Variants in TMEM163 observed in about 807,000 individuals in gnomAD.
TMEM163 encodes transmembrane protein 163.
TMEM163 carries 17 observed loss-of-function variants against 29.3 expected under a neutral mutation model. That is an observed-to-expected ratio of 0.58 (90% CI 0.40 to 0.87). The LOEUF is 0.87. TMEM163 is among the 40% of genes least tolerant of loss of function. The pLI is 0.00. For synonymous variants in TMEM163, 157 were observed against 160.6 expected (o/e 0.98, Z 0.17); for missense variants, 303 against 381.5 (o/e 0.79, Z 1.71).
intron 2 of TMEM163, among the ~76,000 whole-genome samples, chr2:134,692,036 T>A (rs1684480294): frequency 6.6e-6 from 1 of 152,142 alleles, no homozygotes; most frequent in Non-Finnish European, 1.5e-5. Context: ...CCATCACAAG[T>A]GTCCTCATAA....
intron 2 of TMEM163, among the ~76,000 whole-genome samples, chr2:134,595,675 C>T (rs1378889468): frequency 6.6e-6 from 1 of 152,182 alleles, no homozygotes; most frequent in Non-Finnish European, 1.5e-5. Flanking sequence ...GTTCTAGATC[C>T]TTGAGGAATC....
chr2:134,680,281 T>A (rs1485968224), intron 2 of TMEM163, among the ~76,000 whole-genome samples: 1 of 152,062 alleles, frequency 6.6e-6, no homozygotes, highest in East Asian at 1.9e-4. Context: ...TAAATAAATA[T>A]TTACCCTCAA....
chr2:134,705,523 G>A (rs1684790614), intron 2 of TMEM163, among the ~76,000 whole-genome samples: 1 of 151,824 alleles, frequency 6.6e-6, no homozygotes, highest in Non-Finnish European at 1.5e-5. Context: ...AGGAGGCATG[G>A]CCGTCAGGCA....
chr2:134,539,989 ACAGGCAGCAG>A (rs1680629399), intron 4 of TMEM163, among the ~76,000 whole-genome samples: 1 of 152,188 alleles, frequency 6.6e-6, no homozygotes, highest in South Asian at 2.1e-4. Context: ...ACCTCCATGC[ACAGGCAGCAG>A]CTGACCGAGG....
chr2:134,668,374 G>A (rs184586845), intron 2 of TMEM163, among the ~76,000 whole-genome samples: 6 of 152,254 alleles, frequency 3.9e-5, no homozygotes, highest in South Asian at 4.2e-4. Context: ...GGTCAACAGA[G>A]TCCCATCTCT....
chr2:134,469,729 G>C (rs528144866), intron 5 of TMEM163: 1 of 152,520 alleles, frequency 6.6e-6, no homozygotes, highest in Admixed American at 6.5e-5. Flanking sequence ...CTCCAGCTTC[G>C]CTGAGTCATA....
chr2:134,511,153 C>CGG (rs10639023), intron 4 of TMEM163, among the ~76,000 whole-genome samples: 17,910 of 121,828 alleles, frequency 0.15, 2,094 homozygotes, highest in East Asian at 0.36. Context: ...GAGAACAAGG[C>CGG]GGGGGGGGGT....
intron 4 of TMEM163, among the ~76,000 whole-genome samples, chr2:134,522,031 C>A (rs1680201240): frequency 6.6e-6 from 1 of 152,198 alleles, no homozygotes; most frequent in African/African-American, 2.4e-5. Flanking sequence ...CATCCTGTTT[C>A]TCATCTCCTT....
rs113288826 is a variant in TMEM163, at chr2:134,543,315, G to T, written c.458+7255C>A. Among the ~76,000 whole-genome samples, 506 of 152,270 alleles carry T rather than the reference G, an allele frequency of 3.3e-3. 3 individuals are homozygous for T. The highest frequency in any genetic ancestry group is 0.025 in the South Asian group (122 of 4,830). Reference sequence around the variant, plus strand: ...AGAGGAGCTCCCATCCTGCTGAAATGGCTCCACCTTCTGCCTTAACTCTCA... The same window carrying T: ...AGAGGAGCTCCCATCCTGCTGAAATTGCTCCACCTTCTGCCTTAACTCTCA... On this transcript the variant is annotated intron_variant, in intron 4 of 7. Coordinates refer to ENST00000281924, the MANE Select transcript of TMEM163 (RefSeq NM_030923.5).
rs116086815 is a variant in TMEM163, at chr2:134,479,414, A to G, written c.556-13189T>C. The stretch of plus-strand genomic sequence containing the variant: ...CCAAAGTGTGAAAAACAACACCTTT[A>G]CCCTATTGAACAAAATGTTTATACA... On this transcript the variant is annotated intron_variant, in intron 5 of 7. Transcript: ENST00000281924. 7.6e-3 allele frequency among the ~76,000 whole-genome samples: 1,151 copies of G among 152,274 alleles called. 5 individuals are homozygous for G. Among genetic ancestry groups the G allele is most frequent in the South Asian group, 0.024 (114 of 4,824 alleles).
chr2:134,662,850 G>A (rs1236403021), intron 2 of TMEM163, among the ~76,000 whole-genome samples: 1 of 152,152 alleles, frequency 6.6e-6, no homozygotes, highest in Non-Finnish European at 1.5e-5. Context: ...TGGCAGACTT[G>A]AGGCTGCCTG....
intron 2 of TMEM163, among the ~76,000 whole-genome samples, chr2:134,553,948 T>C (rs1365500472): frequency 6.6e-6 from 1 of 152,236 alleles, no homozygotes; most frequent in Non-Finnish European, 1.5e-5. Flanking sequence ...ACGTGCTCCA[T>C]AACTGTTAAC....
At chr2:134,507,425 AC>A (rs1466791012) in intron 4 of TMEM163, among the ~76,000 whole-genome samples, 1 of 152,164 alleles carries the variant, frequency 6.6e-6, no homozygotes, top group Non-Finnish European at 1.5e-5. Context: ...AATCAGCAGC[AC>A]CCGCGTCACA....
intron 4 of TMEM163, among the ~76,000 whole-genome samples, chr2:134,508,967 A>C (rs1218539601): frequency 6.6e-6 from 1 of 152,152 alleles, no homozygotes; most frequent in Non-Finnish European, 1.5e-5. Flanking sequence ...CTCCTTCCTC[A>C]ACAAATGACC....
intron 2 of TMEM163, among the ~76,000 whole-genome samples, chr2:134,630,059 C>T (rs996070484): frequency 2.0e-5 from 3 of 152,164 alleles, no homozygotes; most frequent in African/African-American, 7.2e-5. Context: ...GCAACATGCT[C>T]ACCACGTGCC....
chr2:134,575,134 C>T (rs376795870), intron 2 of TMEM163, among the ~76,000 whole-genome samples: 2 of 151,996 alleles, frequency 1.3e-5, no homozygotes, highest in African/African-American at 2.4e-5. Flanking sequence ...ACCTTCTTGG[C>T]GCTGTAGGGT....
At chr2:134,466,086 A>G (rs1402905692) in intron 6 of TMEM163, 28 bp downstream of exon 6, 2 of 1,556,006 alleles carry the variant, frequency 1.3e-6, no homozygotes, top group Non-Finnish European at 1.8e-6. Flanking sequence ...CCCAGCCCCC[A>G]GAGATTAGGC....
At chr2:134,556,748 G>A (rs890529606) in intron 2 of TMEM163, among the ~76,000 whole-genome samples, 1 of 152,186 alleles carries the variant, frequency 6.6e-6, no homozygotes, top group Admixed American at 6.5e-5. Context: ...TTGAGCCCAG[G>A]AGGTAGAGGT....
chr2:134,481,305 T>G (rs906091544), intron 5 of TMEM163, among the ~76,000 whole-genome samples: 1 of 149,252 alleles, frequency 6.7e-6, no homozygotes, highest in African/African-American at 2.5e-5. Flanking sequence ...TCCACCCACA[T>G]CTCATCTTGA....
Sources: gnomAD v4.1 joint callset for allele counts (sites outside exome capture counted in the v4.1 genomes callset) on GRCh38, gnomAD v4.1.1 for gene constraint, MANE v1.5 for transcripts, NCBI Gene and HGNC (gene_info 2026-07-23, HGNC 2026-07-21) for gene names.